SHISA9: variants seen among roughly 807,000 people sequenced by gnomAD.
SHISA9 encodes the protein protein shisa-9.
A neutral mutation model predicts 38.0 loss-of-function variants in SHISA9; 13 were observed. The observed-to-expected ratio is 0.34, with a 90% CI of 0.22 to 0.54. SHISA9 has a LOEUF of 0.54. Among genes scored for constraint, SHISA9 ranks in the 20% least tolerant of loss-of-function variants. The pLI is 0.91. For missense variants in SHISA9, 538 were observed against 575.8 expected, an observed-to-expected ratio of 0.93 and a Z score of 0.67; for synonymous variants, 275 against 242.0, an observed-to-expected ratio of 1.14 and a Z score of -1.27.
the SHISA9 span, among the ~76,000 whole-genome samples, chr16:13,381,213 G>A: frequency 6.6e-6 from 1 of 152,216 alleles, no homozygotes; most frequent in East Asian, 1.9e-4. Context: ...TGGGAAGTAG[G>A]CCTAGAGGGC....
At chr16:13,076,081 A>G (rs1362840412) in intron 2 of SHISA9, among the ~76,000 whole-genome samples, 1 of 143,434 alleles carries the variant, frequency 7.0e-6, no homozygotes, top group African/African-American at 2.6e-5. Context: ...CCTAGGCTGG[A>G]GTGCAGTGGC....
intron 2 of SHISA9, among the ~76,000 whole-genome samples, chr16:12,939,244 T>A (rs1447724614): frequency 1.3e-5 from 2 of 151,934 alleles, no homozygotes; most frequent in African/African-American, 2.4e-5. Context: ...CCACCACGCC[T>A]GGCTAATTTT....
chr16:12,962,674 G>C (rs1479290442), intron 2 of SHISA9, among the ~76,000 whole-genome samples: 1 of 152,234 alleles, frequency 6.6e-6, no homozygotes, highest in Non-Finnish European at 1.5e-5. Flanking sequence ...CCTTGATTTG[G>C]ACTTCCCAGC....
At chr16:13,316,758 T>C in the SHISA9 span, among the ~76,000 whole-genome samples, 2 of 152,226 alleles carry the variant, frequency 1.3e-5, no homozygotes, top group Admixed American at 1.3e-4. Flanking sequence ...TTAGCTCATT[T>C]GATCCTCCCA....
intron 2 of SHISA9, among the ~76,000 whole-genome samples, chr16:13,036,469 G>A (rs2073065061): frequency 6.6e-6 from 1 of 152,158 alleles, no homozygotes; most frequent in Admixed American, 6.5e-5. Flanking sequence ...TGAGGCCAGA[G>A]GTTGGGGGGT....
At chr16:13,352,126 C>T in the SHISA9 span, among the ~76,000 whole-genome samples, 1 of 152,146 alleles carries the variant, frequency 6.6e-6, no homozygotes, top group African/African-American at 2.4e-5. Flanking sequence ...CCCTCCACTC[C>T]AAGCCCTTGG....
intron 2 of SHISA9, among the ~76,000 whole-genome samples, chr16:13,018,099 C>T (rs551897172): frequency 3.6e-4 from 55 of 152,314 alleles, no homozygotes; most frequent in Non-Finnish European, 6.8e-4. Context: ...ACCCTTGGCC[C>T]GACAGGGATG....
At chr16:13,073,161 G>T (rs987094332) in intron 2 of SHISA9, among the ~76,000 whole-genome samples, 1 of 151,662 alleles carries the variant, frequency 6.6e-6, no homozygotes, top group African/African-American at 2.4e-5. Flanking sequence ...GCTCACACAG[G>T]TAGCAAAATG....
intron 4 of SHISA9, among the ~76,000 whole-genome samples, chr16:13,230,241 C>T (rs1405515065): frequency 6.6e-6 from 1 of 152,200 alleles, no homozygotes; most frequent in African/African-American, 2.4e-5. Context: ...GTGTCCAGTA[C>T]ATGGTGGGTA....
intron 2 of SHISA9, among the ~76,000 whole-genome samples, chr16:13,076,318 A>C (rs1278983222): frequency 6.6e-6 from 1 of 152,216 alleles, no homozygotes; most frequent in Non-Finnish European, 1.5e-5. Context: ...GGCGTGAGCC[A>C]CTGCACCCAG....
intron 3 of SHISA9, 66 bp downstream of exon 3, chr16:13,203,615 A>T (rs1242634876): frequency 3.5e-5 from 47 of 1,357,036 alleles, no homozygotes; most frequent in Non-Finnish European, 4.4e-5. Context: ...CTTCTTGTAG[A>T]TCTCTTTATC....
chr16:13,398,913 T>C, the SHISA9 span, among the ~76,000 whole-genome samples: 2 of 152,194 alleles, frequency 1.3e-5, no homozygotes, highest in Admixed American at 6.5e-5. Flanking sequence ...ATGGAGTTCA[T>C]TGGGTCATTC....
At chr16:13,467,144 A>G in the SHISA9 span, among the ~76,000 whole-genome samples, 2 of 152,018 alleles carry the variant, frequency 1.3e-5, no homozygotes, top group South Asian at 4.2e-4. Flanking sequence ...ATGGTGAAGC[A>G]TTGTTTCTGG....
chr16:13,149,955 A>T (rs976708107), intron 2 of SHISA9, among the ~76,000 whole-genome samples: 1 of 150,128 alleles, frequency 6.7e-6, no homozygotes, highest in African/African-American at 2.4e-5. Flanking sequence ...GGAAAAAAAA[A>T]GATAATCATG....
chr16:13,156,513 T>C (rs2050548417), intron 2 of SHISA9, among the ~76,000 whole-genome samples: 1 of 152,062 alleles, frequency 6.6e-6, no homozygotes, highest in African/African-American at 2.4e-5. Context: ...GGTGGGCAGA[T>C]CACAAGGTCG....
At chr16:13,501,485 A>G in the SHISA9 span, among the ~76,000 whole-genome samples, 1 of 152,198 alleles carries the variant, frequency 6.6e-6, no homozygotes, top group Non-Finnish European at 1.5e-5. Context: ...TGATATATTC[A>G]TGGCAAGCAT....
the SHISA9 span, among the ~76,000 whole-genome samples, chr16:13,412,335 T>TAGGGATGTTAGAGACAGAGGA: frequency 6.6e-6 from 1 of 152,070 alleles, no homozygotes; most frequent in Non-Finnish European, 1.5e-5. Flanking sequence ...CCGATGAAAA[T>TAGGGATGTTAGAGACAGAGGA]AGGGATGTTA....
the SHISA9 span, among the ~76,000 whole-genome samples, chr16:13,443,972 A>G: frequency 1.3e-5 from 2 of 152,216 alleles, no homozygotes; most frequent in African/African-American, 4.8e-5. Flanking sequence ...GCAAGGCAAT[A>G]ATTGTCATGG....
chr16:13,536,076 G>A, the SHISA9 span, among the ~76,000 whole-genome samples: 12 of 150,316 alleles, frequency 8.0e-5, no homozygotes, highest in Admixed American at 1.3e-4. Context: ...TCGGCTCACC[G>A]CAACCTCCGC....
Sources: gnomAD v4.1 joint callset for allele counts (sites outside exome capture counted in the v4.1 genomes callset) on GRCh38, gnomAD v4.1.1 for gene constraint, MANE v1.5 for transcripts, NCBI Gene and HGNC (gene_info 2026-07-23, HGNC 2026-07-21) for gene names.